Variants in CTNNA2 observed in about 807,000 individuals in gnomAD.
CTNNA2 encodes the protein catenin alpha-2.
A neutral mutation model predicts 101.0 loss-of-function variants in CTNNA2; 42 were observed. The observed-to-expected ratio is 0.42, with a 90% CI of 0.32 to 0.54. The LOEUF (loss-of-function observed/expected upper bound fraction) is 0.54, where lower values mean the gene tolerates loss of function less well. Among genes scored for constraint, CTNNA2 ranks in the 20% least tolerant of loss-of-function variants. The pLI, the probability that CTNNA2 is intolerant of heterozygous loss-of-function variation, is 0.14. For missense variants in CTNNA2, 871 were observed against 1,223.1 expected, an observed-to-expected ratio of 0.71 and a Z score of 4.29; for synonymous variants, 450 against 456.4, an observed-to-expected ratio of 0.99 and a Z score of 0.18.
intron 7 of CTNNA2, among the ~76,000 whole-genome samples, chr2:80,352,647 C>G (rs1673415200): frequency 6.6e-6 from 1 of 152,072 alleles, no homozygotes; most frequent in East Asian, 1.9e-4. Flanking sequence ...CCAAAAGATC[C>G]TTTCTTAGGG....
chr2:79,366,705 A>T (rs1484649079), intron 3 of CTNNA2, among the ~76,000 whole-genome samples: 1 of 152,364 alleles, frequency 6.6e-6, no homozygotes, highest in African/African-American at 2.4e-5. Flanking sequence ...TTCATTCAAC[A>T]TTCAACACAA....
intron 9 of CTNNA2, among the ~76,000 whole-genome samples, chr2:80,524,233 G>A (rs149114125): frequency 7.2e-5 from 11 of 152,262 alleles, no homozygotes; most frequent in Non-Finnish European, 1.6e-4. Flanking sequence ...ACCTCCAAGT[G>A]TTCTCATCTG....
At chr2:80,387,454 A>ATAGGGAGACAGTGGGG (rs1161338225) in intron 7 of CTNNA2, among the ~76,000 whole-genome samples, 1 of 152,204 alleles carries the variant, frequency 6.6e-6, no homozygotes, top group Non-Finnish European at 1.5e-5. Flanking sequence ...GGGTATTTAT[A>ATAGGGAGACAGTGGGG]TAGGGAGACA....
chr2:79,868,094 T>C (rs1682282673), intron 4 of CTNNA2, among the ~76,000 whole-genome samples: 1 of 152,202 alleles, frequency 6.6e-6, no homozygotes, highest in East Asian at 1.9e-4. Flanking sequence ...ACCTGACACA[T>C]GGCAGTTCCT....
chr2:79,626,831 T>C (rs11890847), intron 1 of CTNNA2, among the ~76,000 whole-genome samples: 16,054 of 151,872 alleles, frequency 0.11, 1,193 homozygotes, highest in African/African-American at 0.21. Flanking sequence ...TGGGTTATCT[T>C]GGAGGGGTCT....
At chr2:80,577,783 C>T (rs1053701535) in intron 13 of CTNNA2, among the ~76,000 whole-genome samples, 5 of 137,412 alleles carry the variant, frequency 3.6e-5, no homozygotes, top group African/African-American at 5.8e-5. Context: ...GTTGGGAAAT[C>T]CTACCTCATG....
At chr2:79,928,496 A>G (rs978459660) in intron 7 of CTNNA2, among the ~76,000 whole-genome samples, 1 of 152,198 alleles carries the variant, frequency 6.6e-6, no homozygotes, top group African/African-American at 2.4e-5. Flanking sequence ...CATTTTGAAC[A>G]TTGTGGTCGT....
chr2:79,189,201 T>A, intron 1 of CTNNA2, among the ~76,000 whole-genome samples: 1 of 152,202 alleles, frequency 6.6e-6, no homozygotes, highest in East Asian at 1.9e-4. Context: ...ACAAAAAGAA[T>A]AACTCAGTAT....
At chr2:80,378,547 G>A (rs1012748441) in intron 7 of CTNNA2, 3 of 151,814 alleles carry the variant, frequency 2.0e-5, no homozygotes, top group African/African-American at 7.3e-5. Context: ...TTGTATATAT[G>A]ATTAACAAAT....
chr2:79,557,794 C>T (rs1289622627), intron 1 of CTNNA2, among the ~76,000 whole-genome samples: 7 of 151,894 alleles, frequency 4.6e-5, no homozygotes, highest in Non-Finnish European at 1.5e-5. Flanking sequence ...GATGTGTCTA[C>T]ATAGGATTGG....
At chr2:80,264,405 A>T (rs540994792) in intron 7 of CTNNA2, among the ~76,000 whole-genome samples, 11 of 152,320 alleles carry the variant, frequency 7.2e-5, no homozygotes, top group South Asian at 6.2e-4. Flanking sequence ...TTCACCAATC[A>T]CACAAGAAGG....
chr2:79,337,311 T>A (rs569053168), intron 3 of CTNNA2, among the ~76,000 whole-genome samples: 1 of 152,312 alleles, frequency 6.6e-6, no homozygotes, highest in African/African-American at 2.4e-5. Context: ...TAGAAAATAC[T>A]TGGCATGTGA....
At chr2:79,391,167 A>T (rs1375843286) in intron 4 of CTNNA2, among the ~76,000 whole-genome samples, 1 of 152,124 alleles carries the variant, frequency 6.6e-6, no homozygotes, top group Non-Finnish European at 1.5e-5. Flanking sequence ...GAGTTCTTAG[A>T]ATGGATTACA....
At chr2:80,205,565 C>A (rs1206704198) in intron 7 of CTNNA2, among the ~76,000 whole-genome samples, 1 of 152,186 alleles carries the variant, frequency 6.6e-6, no homozygotes, top group Non-Finnish European at 1.5e-5. Flanking sequence ...AAACAATTTT[C>A]TTCTTTAGCA....
At chr2:80,391,842 A>G (rs1005250336) in intron 7 of CTNNA2, among the ~76,000 whole-genome samples, 1 of 152,222 alleles carries the variant, frequency 6.6e-6, no homozygotes, top group Non-Finnish European at 1.5e-5. Flanking sequence ...TTCTACTTAA[A>G]AACCTTAGTG....
At chr2:79,962,075 C>T (rs1689678950) in intron 7 of CTNNA2, among the ~76,000 whole-genome samples, 1 of 152,216 alleles carries the variant, frequency 6.6e-6, no homozygotes, top group Non-Finnish European at 1.5e-5. Flanking sequence ...CAACCTGAAG[C>T]CACTGAGGCC....
chr2:79,469,729 G>A (rs1670978169), intron 4 of CTNNA2, among the ~76,000 whole-genome samples: 1 of 152,210 alleles, frequency 6.6e-6, no homozygotes, highest in South Asian at 2.1e-4. Flanking sequence ...TTCAACATAT[G>A]CAAATCAATA....
At position 80,309,060 on chromosome 2, in the gene CTNNA2, G is replaced by T. The variant is rs562027655; in HGVS notation, c.1057-84151G>T. On this transcript the variant is annotated intron_variant, in intron 7 of 18. Coordinates refer to ENST00000402739, the MANE Select transcript of CTNNA2 (RefSeq NM_001282597.3). ...GCCGAGATCACGCCACTGCATTCCA[G>T]CCTGGACAACAGAGTGAGACTCTGT... Among the ~76,000 whole-genome samples the T allele has an allele frequency of 7.9e-5, 12 of 152,060 alleles. No individual in the cohort carries two copies. In the East Asian group the frequency reaches 1.9e-3, roughly 25 times the overall value.
chr2:79,965,635 T>A (rs746498296), intron 7 of CTNNA2, among the ~76,000 whole-genome samples: 9 of 151,312 alleles, frequency 5.9e-5, no homozygotes, highest in Non-Finnish European at 1.0e-4. Flanking sequence ...ACCAGCCTGG[T>A]CAACATAGAG....
Sources: allele counts gnomAD v4.1 joint callset (sites outside exome capture counted in the v4.1 genomes callset), GRCh38; gene constraint gnomAD v4.1.1; transcripts MANE v1.5; gene names NCBI Gene and HGNC (gene_info 2026-07-23, HGNC 2026-07-21).